ZNF804A: variants seen among roughly 807,000 people sequenced by gnomAD.
ZNF804A encodes zinc finger protein 804A.
ZNF804A carries 2 observed loss-of-function variants against 16.5 expected under a neutral mutation model. The ratio of observed to expected loss-of-function variants is 0.12; its 90% confidence interval spans 0.05 to 0.38. The LOEUF (loss-of-function observed/expected upper bound fraction) is 0.38, where lower values mean the gene tolerates loss of function less well. Among genes scored for constraint, ZNF804A ranks in the 10% least tolerant of loss-of-function variants. The pLI is 0.99. For synonymous variants in ZNF804A, 534 were observed against 489.6 expected (o/e 1.09, Z -1.20); for missense variants, 1,473 against 1,390.7 (o/e 1.06, Z -0.94).
intron 1 of ZNF804A, among the ~76,000 whole-genome samples, chr2:184,795,461 A>G (rs1204496917): frequency 2.0e-5 from 3 of 152,152 alleles, no homozygotes; most frequent in Admixed American, 1.3e-4. Context: ...TGCTTACATC[A>G]AAAAGTCTGA....
At chr2:184,700,458 G>T (rs1055975022) in intron 1 of ZNF804A, among the ~76,000 whole-genome samples, 2 of 152,042 alleles carry the variant, frequency 1.3e-5, no homozygotes, top group Non-Finnish European at 2.9e-5. Flanking sequence ...AGAATTATAT[G>T]AAGTCCATTT....
intron 1 of ZNF804A, among the ~76,000 whole-genome samples, chr2:184,653,842 T>C (rs1692030859): frequency 6.6e-6 from 1 of 152,170 alleles, no homozygotes; most frequent in African/African-American, 2.4e-5. Flanking sequence ...AGTCCTGAGA[T>C]ATTATTGGAA....
chr2:184,842,523 T>A lies in ZNF804A; in HGVS notation c.112-23846T>A, dbSNP rs560400128. Among the ~76,000 whole-genome samples the A allele has an allele frequency of 3.1e-3, 460 of 147,330 alleles. 2 individuals carry two copies. The highest frequency in any genetic ancestry group is 0.013 in the South Asian group (63 of 4,680). On this transcript the variant is annotated intron_variant, in intron 1 of 3. Transcript: ENST00000302277. Reference sequence around the variant, plus strand: ...CTTTTGGAGCTGGGATTTTTTTTTTTAAAAAAAAAGGAAATTTATGATTTT... The same window carrying A: ...CTTTTGGAGCTGGGATTTTTTTTTTAAAAAAAAAAGGAAATTTATGATTTT...
Position 184,852,276 on chromosome 2 carries a change from T to A in ZNF804A, c.112-14093T>A, listed in dbSNP as rs547618850. 3.4e-4 allele frequency among the ~76,000 whole-genome samples: 52 copies of A among 150,892 alleles called. 2 individuals are homozygous for A. In the South Asian group the frequency reaches 0.01, roughly 30 times the overall value. On this transcript the variant is annotated intron_variant, in intron 1 of 3. Coordinates refer to ENST00000302277, the MANE Select transcript of ZNF804A (RefSeq NM_194250.2). ...CTCTCTCTCTCTATCTCTCAGAATA[T>A]CCGATTGTACTGCATTCACCTATTT...
At chr2:184,869,301 T>C (rs1423146220) in intron 2 of ZNF804A, among the ~76,000 whole-genome samples, 1 of 152,024 alleles carries the variant, frequency 6.6e-6, no homozygotes, top group Non-Finnish European at 1.5e-5. Flanking sequence ...TATGGGTACT[T>C]ACATGGAATT....
chr2:184,695,332 G>A (rs1026094554), intron 1 of ZNF804A, among the ~76,000 whole-genome samples: 3 of 151,714 alleles, frequency 2.0e-5, no homozygotes, highest in Non-Finnish European at 4.4e-5. Context: ...GAGGTGGCAT[G>A]TGCCTGTAGT....
chr2:184,840,720 A>G (rs192860597), intron 1 of ZNF804A, among the ~76,000 whole-genome samples: 1 of 152,242 alleles, frequency 6.6e-6, no homozygotes, highest in African/African-American at 2.4e-5. Flanking sequence ...CGCTAACAAA[A>G]CTAAAGGAAA....
intron 1 of ZNF804A, among the ~76,000 whole-genome samples, chr2:184,826,888 A>G (rs747444636): frequency 2.2e-4 from 33 of 152,188 alleles, no homozygotes; most frequent in Non-Finnish European, 4.7e-4. Flanking sequence ...TTAAGTCCCC[A>G]TTGTCAACAT....
At chr2:184,608,804 T>C (rs1691192329) in intron 1 of ZNF804A, among the ~76,000 whole-genome samples, 1 of 152,148 alleles carries the variant, frequency 6.6e-6, no homozygotes, top group Non-Finnish European at 1.5e-5. Flanking sequence ...TGAGAAGTTT[T>C]AGGAATGAGG....
intron 1 of ZNF804A, among the ~76,000 whole-genome samples, chr2:184,841,880 T>C (rs1695441273): frequency 6.6e-6 from 1 of 152,110 alleles, no homozygotes; most frequent in Non-Finnish European, 1.5e-5. Context: ...GTCAACTAAG[T>C]GTCAAACTTC....
intron 1 of ZNF804A, among the ~76,000 whole-genome samples, chr2:184,835,249 G>T (rs1006769316): frequency 4.6e-5 from 7 of 152,044 alleles, no homozygotes; most frequent in African/African-American, 1.7e-4. Flanking sequence ...GTGTAGAGCA[G>T]CAGCAGAGGT....
chr2:184,862,476 G>C (rs1313919707), intron 1 of ZNF804A, among the ~76,000 whole-genome samples: 1 of 152,060 alleles, frequency 6.6e-6, no homozygotes, highest in African/African-American at 2.4e-5. Context: ...TCAAATGTTT[G>C]TAATTGTACT....
At chr2:184,714,945 G>A (rs1418312197) in intron 1 of ZNF804A, among the ~76,000 whole-genome samples, 1 of 152,154 alleles carries the variant, frequency 6.6e-6, no homozygotes, top group African/African-American at 2.4e-5. Flanking sequence ...ATACTCAGAA[G>A]AAGTAAATAT....
chr2:184,724,507 A>G (rs1693372514), intron 1 of ZNF804A, among the ~76,000 whole-genome samples: 1 of 151,672 alleles, frequency 6.6e-6, no homozygotes, highest in Non-Finnish European at 1.5e-5. Context: ...AAATTCACGG[A>G]AGCATGAGAA....
At chr2:184,843,766 T>G (rs1160152702) in intron 1 of ZNF804A, among the ~76,000 whole-genome samples, 1 of 152,140 alleles carries the variant, frequency 6.6e-6, no homozygotes, top group East Asian at 1.9e-4. Flanking sequence ...CCTATCTGAT[T>G]ATGTATATTT....
At chr2:184,915,657 T>C (rs1250731217) in intron 2 of ZNF804A, among the ~76,000 whole-genome samples, 1 of 152,128 alleles carries the variant, frequency 6.6e-6, no homozygotes, top group Non-Finnish European at 1.5e-5. Context: ...GTTTTAGACA[T>C]AACATGCACA....
intron 1 of ZNF804A, among the ~76,000 whole-genome samples, chr2:184,783,250 A>G (rs1474725577): frequency 1.3e-5 from 2 of 149,838 alleles, no homozygotes; most frequent in South Asian, 2.1e-4. Context: ...GGTAGGCAAC[A>G]GTATCTGGCC....
intron 1 of ZNF804A, among the ~76,000 whole-genome samples, chr2:184,694,037 C>T (rs894130895): frequency 4.6e-5 from 7 of 150,928 alleles, no homozygotes; most frequent in African/African-American, 1.2e-4. Context: ...TCAAGTGATG[C>T]TCCTGCCTCA....
At chr2:184,836,143 G>C (rs1268491268) in intron 1 of ZNF804A, among the ~76,000 whole-genome samples, 1 of 152,102 alleles carries the variant, frequency 6.6e-6, no homozygotes, top group Non-Finnish European at 1.5e-5. Context: ...GAAATGCCTA[G>C]CATGGTGCTT....
Sources: gnomAD v4.1 joint callset for allele counts (sites outside exome capture counted in the v4.1 genomes callset) on GRCh38, gnomAD v4.1.1 for gene constraint, MANE v1.5 for transcripts, NCBI Gene and HGNC (gene_info 2026-07-23, HGNC 2026-07-21) for gene names.